The following JAK2 variants were observed in gnomAD, a reference collection of about 807,000 sequenced individuals.
The protein encoded by JAK2 is Janus kinase 2.
In JAK2, 86 loss-of-function variants were observed where a neutral mutation model predicts 139.3. The ratio of observed to expected loss-of-function variants is 0.62; its 90% confidence interval spans 0.52 to 0.74. The LOEUF (loss-of-function observed/expected upper bound fraction) is 0.74. Ranked by LOEUF, JAK2 falls within the 30% of genes least tolerant of loss-of-function variation. The pLI, the probability that JAK2 is intolerant of heterozygous loss-of-function variation, is 0.00. For missense variants in JAK2, 1,421 were observed against 1,360.3 expected (o/e 1.04, Z -0.70); for synonymous variants, 490 against 437.7 (o/e 1.12, Z -1.49).
intron 4 of JAK2, chr9:5,041,739 AC>A: frequency 2.0e-6 from 1 of 491,600 alleles, no homozygotes; most frequent in Non-Finnish European, 4.0e-6. Context: ...GCCCTTGGCG[AC>A]CCCCATCAGC....
At chr9:5,093,882 T>C (rs907954390) in intron 22 of JAK2, among the ~76,000 whole-genome samples, 1 of 152,102 alleles carries the variant, frequency 6.6e-6, no homozygotes, top group Non-Finnish European at 1.5e-5. Context: ...ACCAGAGTAA[T>C]CCAGGTTGGT....
intron 4 of JAK2, among the ~76,000 whole-genome samples, chr9:5,036,293 C>A (rs1010125697): frequency 6.6e-6 from 1 of 152,122 alleles, no homozygotes; most frequent in Admixed American, 6.5e-5. Flanking sequence ...TGAAAATGGC[C>A]ATACTGCCCA....
rs140973912 is a variant in JAK2, at chr9:5,064,921, C to A, written c.1095C>A (p.Phe365Leu). 2 of 1,593,860 alleles carry A rather than the reference C, an allele frequency of 1.3e-6. No individual in the cohort carries two copies. The highest frequency in any genetic ancestry group is 1.1e-5 in the South Asian group (1 of 87,514). ...ELSSLREALSFVSLIDGYYRL... is the reference protein window; with the variant it reads ...ELSSLREALSLVSLIDGYYRL... The stretch of plus-strand genomic sequence containing the variant: ...GCTCATTAAGGGAAGCTTTGTCTTT[C>A]GTGTCATTAATTGATGGATATTATA... The change falls in exon 9 of 25, where the codon TTC becomes TTA. Residue 365 changes from phenylalanine (F) to leucine (L), a missense_variant. Coordinates refer to ENST00000381652, the MANE Select transcript of JAK2 (RefSeq NM_004972.4).
intron 22 of JAK2, among the ~76,000 whole-genome samples, chr9:5,122,633 A>G (rs1823700832): frequency 1.3e-5 from 2 of 152,094 alleles, no homozygotes; most frequent in Non-Finnish European, 2.9e-5. Context: ...GACTCAGCAT[A>G]TATCCATATT....
In JAK2 at chr9:5,054,927, A is replaced by T. The variant is rs775490358; in HGVS notation, c.936+43A>T. The T allele has an allele frequency of 7.3e-7, 1 of 1,372,926 alleles. No homozygotes were observed. Among genetic ancestry groups the T allele is most frequent in the South Asian group, 1.4e-5 (1 of 71,160 alleles). The allele number at this position is 1,372,926 out of a possible 1,614,324, so 85.0% of individuals were successfully genotyped here. A position where few individuals can be genotyped will look rare whatever the true frequency, so the allele number is the denominator to read the frequency against. On this transcript the variant is annotated intron_variant, in intron 7 of 24. Transcript: ENST00000381652. This position sits in a 1 kb window ranked among gnomAD's most constrained non-coding sequence, Gnocchi z 4.9. Reference sequence around the variant, plus strand: ...GTTCTTGTTCTTTGTTATTTTAAGTACAATGGAAATAAAAACAAAGTAATT... The same window carrying T: ...GTTCTTGTTCTTTGTTATTTTAAGTTCAATGGAAATAAAAACAAAGTAATT...
chr9:5,014,256 G>C (rs1821902454), intron 2 of JAK2, among the ~76,000 whole-genome samples: 1 of 145,080 alleles, frequency 6.9e-6, no homozygotes, highest in Admixed American at 7.2e-5. Context: ...CTCTCACCTT[G>C]GCTTCCCAGA....
At chr9:5,110,795 G>A in intron 22 of JAK2, 1 of 410,958 alleles carries the variant, frequency 2.4e-6, no homozygotes. Context: ...CGGGCCACGC[G>A]CGACGCCTGG....
chr9:5,005,960 T>C (rs1028481793), intron 2 of JAK2, among the ~76,000 whole-genome samples: 11 of 152,224 alleles, frequency 7.2e-5, no homozygotes, highest in African/African-American at 2.2e-4. Flanking sequence ...TGGCTTAGGA[T>C]TGACCTGGCG....
chr9:5,044,304 G>A, intron 4 of JAK2, 99 bp from the exon 5 acceptor site: 2 of 752,466 alleles, frequency 2.7e-6, no homozygotes, highest in Non-Finnish European at 2.3e-6. Flanking sequence ...TCTAAGTATG[G>A]GATAATACCT....
chr9:5,010,413 G>A (rs1468554352), intron 2 of JAK2, among the ~76,000 whole-genome samples: 5 of 151,790 alleles, frequency 3.3e-5, no homozygotes, highest in African/African-American at 9.7e-5. Context: ...CTCTGCCTTC[G>A]GGGTTCAAGC....
intron 19 of JAK2, chr9:5,085,889 C>T (rs1820059599): frequency 6.1e-6 from 5 of 815,804 alleles, no homozygotes; most frequent in South Asian, 2.7e-5. Context: ...TTGATATGAG[C>T]GGTTCCTTTC....
chr9:5,060,983 C>CA (rs1226689790), intron 8 of JAK2, among the ~76,000 whole-genome samples: 1 of 152,228 alleles, frequency 6.6e-6, no homozygotes, highest in Non-Finnish European at 1.5e-5. Context: ...ACATCTCTGT[C>CA]AGAGCGCTTG....
chr9:5,114,959 A>G (rs1321661179), intron 22 of JAK2, among the ~76,000 whole-genome samples: 2 of 152,162 alleles, frequency 1.3e-5, no homozygotes, highest in African/African-American at 4.8e-5. Context: ...AAACAAACAT[A>G]AAAACCCTAG....
At chr9:5,113,478 A>C (rs1822839047) in intron 22 of JAK2, 1 of 150,450 alleles carries the variant, frequency 6.6e-6, no homozygotes, top group African/African-American at 2.5e-5. Context: ...AGGCTGGATC[A>C]GACTGGCCTA....
chr9:5,034,885 T>C, intron 4 of JAK2, among the ~76,000 whole-genome samples: 1 of 151,686 alleles, frequency 6.6e-6, no homozygotes, highest in East Asian at 1.9e-4. Context: ...ATAACTGAGA[T>C]CAGAGCAGAA....
intron 22 of JAK2, among the ~76,000 whole-genome samples, chr9:5,095,436 C>T (rs1820913575): frequency 6.6e-6 from 1 of 152,148 alleles, no homozygotes; most frequent in South Asian, 2.1e-4. Context: ...CTATAATTCT[C>T]ATGATGGGTA....
At chr9:5,004,585 C>T (rs1821148467) in intron 2 of JAK2, among the ~76,000 whole-genome samples, 2 of 152,116 alleles carry the variant, frequency 1.3e-5, no homozygotes, top group Admixed American at 1.3e-4. Flanking sequence ...AAGAATAATG[C>T]TGCAATGAGC....
chr9:5,115,777 T>C (rs1400263412), intron 22 of JAK2, among the ~76,000 whole-genome samples: 1 of 152,148 alleles, frequency 6.6e-6, no homozygotes, highest in East Asian at 1.9e-4. Context: ...AAGATGAAGC[T>C]AGAAACCATA....
At chr9:5,104,965 AAAAACTGGAAGCATTCCCTTTG>A (rs1225276992) in intron 22 of JAK2, among the ~76,000 whole-genome samples, 2 of 152,242 alleles carry the variant, frequency 1.3e-5, no homozygotes, top group Non-Finnish European at 2.9e-5. Context: ...CTGAATGGGC[AAAAACTGGAAGCATTCCCTTTG>A]AAAACTGGCA....
Sources: allele counts gnomAD v4.1 joint callset (sites outside exome capture counted in the v4.1 genomes callset), GRCh38; gene constraint gnomAD v4.1.1; non-coding constraint Gnocchi (gnomAD v3.1); transcripts MANE v1.5; gene names NCBI Gene and HGNC (gene_info 2026-07-23, HGNC 2026-07-21).